ADAMTS15: variants seen among roughly 807,000 people sequenced by gnomAD.
The protein encoded by ADAMTS15 is ADAM metallopeptidase with thrombospondin type 1 motif 15.
ADAMTS15 carries 35 observed loss-of-function variants against 79.1 expected under a neutral mutation model. The ratio of observed to expected loss-of-function variants is 0.44; its 90% CI spans 0.34 to 0.59. The LOEUF (loss-of-function observed/expected upper bound fraction) is 0.59, where lower values mean the gene tolerates loss of function less well. ADAMTS15 is among the 20% of genes least tolerant of loss of function. The pLI is 0.02. For synonymous variants in ADAMTS15, 616 were observed against 567.3 expected (o/e 1.09, Z -1.22); for missense variants, 1,324 against 1,318.7 (o/e 1.00, Z -0.06).
chr11:130,450,430 C>A (rs879530208), intron 1 of ADAMTS15: 13 of 985,424 alleles, frequency 1.3e-5, no homozygotes, highest in African/African-American at 1.7e-5. Flanking sequence ...AACACGTTGT[C>A]CCCTCTCTGT....
At chr11:130,453,963 C>G (rs1938020541) in intron 1 of ADAMTS15, among the ~76,000 whole-genome samples, 1 of 152,076 alleles carries the variant, frequency 6.6e-6, no homozygotes, top group Non-Finnish European at 1.5e-5. Context: ...TAAAAAAATG[C>G]CTGACTAATT....
chr11:130,453,040 G>A (rs1937996998), intron 1 of ADAMTS15, among the ~76,000 whole-genome samples: 1 of 152,048 alleles, frequency 6.6e-6, no homozygotes, highest in Admixed American at 6.5e-5. Context: ...GGGATGGGGA[G>A]CTTACAAGAC....
intron 4 of ADAMTS15, among the ~76,000 whole-genome samples, chr11:130,468,938 AC>A (rs1938362903): frequency 7.0e-6 from 1 of 142,876 alleles, no homozygotes; most frequent in Non-Finnish European, 1.5e-5. Context: ...CTCCACCTCA[AC>A]AAAAAAAAAA....
intron 1 of ADAMTS15, among the ~76,000 whole-genome samples, chr11:130,453,973 T>TA (rs1483901061): frequency 6.6e-6 from 1 of 152,102 alleles, no homozygotes; most frequent in African/African-American, 2.4e-5. Context: ...CCTGACTAAT[T>TA]AAAAAAAATT....
rs1236494662 is a variant in ADAMTS15, at chr11:130,475,288, CCTGT to C, written c.*1474_*1477del. On this transcript the variant is annotated 3_prime_UTR_variant, in exon 8 of 8. Coordinates refer to ENST00000299164, the MANE Select transcript of ADAMTS15 (RefSeq NM_139055.4). Reference sequence around the variant, plus strand: ...AGCCACTAGTATGAACTGCTGGAGACCTGTCTGTCTTATAGACATGTCAGGAAAA... The same window carrying C: ...AGCCACTAGTATGAACTGCTGGAGACCTGTCTTATAGACATGTCAGGAAAA... The C allele has an allele frequency of 2.0e-5, 3 of 152,264 alleles. No individual in the cohort carries two copies. In the East Asian group the frequency reaches 5.8e-4, roughly 29 times the overall value. The allele number at this position is 152,264 out of a possible 1,614,324, so 9.4% of individuals were successfully genotyped here. A position where few individuals can be genotyped will look rare whatever the true frequency, so the allele number is the denominator to read the frequency against.
rs563742599 is a variant in ADAMTS15 at position 130,472,007 on chromosome 11, G to A, written c.2078+624G>A. 2.6e-5 allele frequency among the ~76,000 whole-genome samples: 4 copies of A among 152,344 alleles called. No homozygotes were observed. In the South Asian group the frequency reaches 6.2e-4, roughly 24 times the overall value. ...CAGCTGGGACTGAAGGAGTCTTCAC[G>A]TCTTGGGCAATCCCTGGGCATCTAG... On this transcript the variant is annotated intron_variant, in intron 7 of 7. Transcript: ENST00000299164. This position sits in a 1 kb window ranked among gnomAD's most constrained non-coding sequence, Gnocchi z 4.7.
intron 5 of ADAMTS15, 125 bp downstream of exon 5, chr11:130,469,564 G>A: frequency 1.4e-6 from 1 of 732,192 alleles, no homozygotes; most frequent in Non-Finnish European, 1.9e-6. Flanking sequence ...AATTCAGGTA[G>A]TCTAGTATTT....
intron 4 of ADAMTS15, among the ~76,000 whole-genome samples, chr11:130,467,563 T>C (rs115841719): frequency 0.018 from 2,667 of 152,242 alleles, 79 homozygotes; most frequent in African/African-American, 0.059. Flanking sequence ...ATGCAGCCAG[T>C]TCCTGCTTAG....
intron 5 of ADAMTS15, among the ~76,000 whole-genome samples, chr11:130,470,209 T>TATATACAC (rs1491377478): frequency 1.7e-5 from 1 of 60,130 alleles, no homozygotes; most frequent in African/African-American, 9.6e-5. Flanking sequence ...TATATATATA[T>TATATACAC]GTATATATAT....
At chr11:130,456,062 C>T (rs1938072052) in intron 1 of ADAMTS15, among the ~76,000 whole-genome samples, 1 of 152,172 alleles carries the variant, frequency 6.6e-6, no homozygotes, top group Non-Finnish European at 1.5e-5. Context: ...TCTGTCTAAC[C>T]TTGGGCTTAC....
rs1592153640 is a variant in ADAMTS15 at position 130,475,962 on chromosome 11, A to G, written c.*2141A>G. ...GTAGAGGAGAGCAGCTTTTGCCATCAGTCACTTTACAAACCATTTCAAGGA... is the reference window on the plus strand; with the variant it reads ...GTAGAGGAGAGCAGCTTTTGCCATCGGTCACTTTACAAACCATTTCAAGGA... On this transcript the variant is annotated 3_prime_UTR_variant, in exon 8 of 8. Coordinates refer to ENST00000299164, the MANE Select transcript of ADAMTS15 (RefSeq NM_139055.4). 1 of 152,268 alleles carries G rather than the reference A, an allele frequency of 6.6e-6. No individual in the cohort carries two copies. Among genetic ancestry groups the G allele is most frequent in the East Asian group, 1.9e-4 (1 of 5,196 alleles). 9.4% of individuals were successfully genotyped at this position (152,268 alleles called of 1,614,324 possible).
chr11:130,449,132 C>T lies in ADAMTS15; in HGVS notation c.159C>T (p.Leu53=). The part of the protein sequence containing the change: ...RGPEDSGDQG[L]IFQITAFQED... ...CCGAGGACTCCGGGGATCAGGGACT[C>T]ATTTTTCAGATCACAGCATTTCAGG... Residue 53 remains leucine (L), a synonymous_variant, in exon 1 of 8, where the codon CTC becomes CTT. Transcript: ENST00000299164. The surrounding 1 kb of genome is among the most constrained non-coding windows in gnomAD (Gnocchi z 7.8). 6.3e-7 allele frequency: 1 copy of T among 1,596,820 alleles called. No homozygotes were observed. Among genetic ancestry groups the T allele is most frequent in the Non-Finnish European group, 8.6e-7 (1 of 1,168,544 alleles).
Position 130,467,837 on chromosome 11 carries a change from G to A in ADAMTS15, c.1543-1425G>A, listed in dbSNP as rs147576623. Among the ~76,000 whole-genome samples, 81 of 149,780 alleles carry A rather than the reference G, an allele frequency of 5.4e-4. No individual in the cohort carries two copies. The East Asian group carries it at 0.013, about 23-fold the overall frequency. On this transcript the variant is annotated intron_variant, in intron 4 of 7. Transcript: ENST00000299164. The stretch of plus-strand genomic sequence containing the variant: ...GCACAATTCACCCCAAAGCCAAACC[G>A]AGTTTTAGGATTGCTTAATAATGTC...
Position 130,472,604 on chromosome 11 carries a change from A to G in ADAMTS15, c.2079-443A>G, listed in dbSNP as rs1938479973. On this transcript the variant is annotated intron_variant, in intron 7 of 7. Transcript: ENST00000299164. This position sits in a 1 kb window ranked among gnomAD's most constrained non-coding sequence, Gnocchi z 4.7. ...AGGCTGGATCTGCGTCCCTGCCTCC[A>G]GGGCCAGTGTCCTCTCACTGCATTG... Among the ~76,000 whole-genome samples, 1 of 152,172 alleles carries G rather than the reference A, an allele frequency of 6.6e-6. No individual in the cohort carries two copies. Among genetic ancestry groups the G allele is most frequent in the African/African-American group, 2.4e-5 (1 of 41,426 alleles).
In ADAMTS15 at chr11:130,462,589, G is replaced by A. The variant is rs759626802; in HGVS notation, c.1351G>A (p.Ala451Thr). The A allele has an allele frequency of 7.4e-6, 12 of 1,613,610 alleles. No homozygotes were observed. The Admixed American group carries it at 1.7e-4, about 22-fold the overall frequency. ...CACCCTGAGCCAGCAGTGCGAGCTG[G>A]CTTTTGGCGTGGGCTCCAAGCCCTG... ...SYTLSQQCEL[A>T]FGVGSKPCPY... Residue 451 changes from alanine to threonine, a missense_variant, in exon 4 of 8, where the codon GCT (alanine) becomes ACT (threonine). Ala to Thr is a moderately conservative substitution (Grantham distance 58, BLOSUM62 0). Transcript: ENST00000299164. This position sits in a 1 kb window ranked among gnomAD's most constrained non-coding sequence, Gnocchi z 4.3.
Position 130,473,211 on chromosome 11 carries a change from G to A in ADAMTS15, c.2243G>A (p.Arg748Gln), listed in dbSNP as rs761575296. 16 of 1,613,822 alleles carry A rather than the reference G, an allele frequency of 9.9e-6. No homozygotes were observed. Among genetic ancestry groups the A allele is most frequent in the Admixed American group, 3.3e-5 (2 of 60,012 alleles). The change falls in exon 8 of 8, where the codon CGG becomes CAG. Residue 748 changes from arginine to glutamine, a missense_variant. Arg to Gln is a conservative substitution (Grantham distance 43, BLOSUM62 1). Coordinates refer to ENST00000299164, the MANE Select transcript of ADAMTS15 (RefSeq NM_139055.4). Reference sequence around the variant, plus strand: ...CATTTCGTGGTGTCGGCGGTGGAGCGGGACCTGGTGGTGAAGGGCAGTCTG... The same window carrying A: ...CATTTCGTGGTGTCGGCGGTGGAGCAGGACCTGGTGGTGAAGGGCAGTCTG... The part of the protein sequence containing the change: ...NGHFVVSAVE[R>Q]DLVVKGSLLR...
chr11:130,471,980 G>A (rs966320642), intron 7 of ADAMTS15, among the ~76,000 whole-genome samples: 2 of 152,218 alleles, frequency 1.3e-5, no homozygotes, highest in African/African-American at 4.8e-5. Flanking sequence ...ACAGCAAGTG[G>A]GCAGCTGGGA....
rs966725073 is a variant in ADAMTS15 at position 130,461,343 on chromosome 11, A to G, written c.958-146A>G. 2.6e-6 allele frequency: 3 copies of G among 1,168,426 alleles called. No individual in the cohort carries two copies. The African/African-American group carries it at 4.6e-5, about 18-fold the overall frequency. 72.4% of individuals were successfully genotyped at this position (1,168,426 alleles called of 1,614,324 possible). ...AACAGCCCCACAACCTCCTAGGAAG[A>G]AGAGCCCAGCTGGAAGGTGCTGGGC... On this transcript the variant is annotated intron_variant, in intron 1 of 7. Transcript: ENST00000299164.
intron 1 of ADAMTS15, chr11:130,450,487 AT>A: frequency 1.0e-6 from 1 of 975,410 alleles, no homozygotes; most frequent in Non-Finnish European, 1.2e-6. Context: ...TCATTGAGAG[AT>A]TTTGTGGGTT....
Sources: gnomAD v4.1 joint callset for allele counts (sites outside exome capture counted in the v4.1 genomes callset) on GRCh38, gnomAD v4.1.1 for gene constraint, Gnocchi (gnomAD v3.1) non-coding constraint, MANE v1.5 for transcripts, NCBI Gene and HGNC (gene_info 2026-07-23, HGNC 2026-07-21) for gene names.